TENM3: variants seen among roughly 807,000 people sequenced by gnomAD.
The protein encoded by TENM3 is teneurin transmembrane protein 3.
Under a neutral mutation model 255.1 loss-of-function variants are expected in TENM3, and 63 were observed. The ratio of observed to expected loss-of-function variants is 0.25; its 90% CI spans 0.20 to 0.30. The LOEUF (loss-of-function observed/expected upper bound fraction) is 0.30, where lower values mean the gene tolerates loss of function less well. TENM3 is among the 10% of genes least tolerant of loss of function. The pLI is 1.00. For synonymous variants in TENM3, 1,306 were observed against 1,322.3 expected, an observed-to-expected ratio of 0.99 and a Z score of 0.27; for missense variants, 2,929 against 3,461.1, an observed-to-expected ratio of 0.85 and a Z score of 3.86.
the TENM3 span, among the ~76,000 whole-genome samples, chr4:182,063,885 G>A: frequency 6.6e-6 from 1 of 152,138 alleles, no homozygotes; most frequent in African/African-American, 2.4e-5. Context: ...AGGAATATTA[G>A]TCACAGAAAA....
the TENM3 span, among the ~76,000 whole-genome samples, chr4:181,804,955 G>A: frequency 6.6e-6 from 1 of 152,056 alleles, no homozygotes; most frequent in African/African-American, 2.4e-5. Context: ...CACTCTGCTG[G>A]ATTTTTGTCT....
At chr4:182,621,148 T>C (rs933326993) in intron 4 of TENM3, among the ~76,000 whole-genome samples, 2 of 150,834 alleles carry the variant, frequency 1.3e-5, no homozygotes, top group Non-Finnish European at 3.0e-5. Context: ...ACCACTGCAC[T>C]CCAGCCTGGA....
At chr4:181,508,142 G>T in the TENM3 span, among the ~76,000 whole-genome samples, 1 of 152,124 alleles carries the variant, frequency 6.6e-6, no homozygotes, top group Admixed American at 6.5e-5. Context: ...AGGAAGAGGA[G>T]AGGTAGCTTA....
At chr4:182,370,991 T>C (rs1436696816) in intron 3 of TENM3, among the ~76,000 whole-genome samples, 1 of 152,146 alleles carries the variant, frequency 6.6e-6, no homozygotes, top group Admixed American at 6.5e-5. Flanking sequence ...CCTGCTTTTG[T>C]CCTAAGTTCT....
intron 1 of TENM3, chr4:182,169,366 A>G (rs1362317316): frequency 2.2e-6 from 1 of 460,958 alleles, no homozygotes; most frequent in Non-Finnish European, 4.5e-6. Flanking sequence ...TGGGAGAGAC[A>G]GCAGGATTCT....
chr4:181,837,477 G>A, the TENM3 span, among the ~76,000 whole-genome samples: 2 of 151,422 alleles, frequency 1.3e-5, no homozygotes, highest in East Asian at 1.9e-4. Flanking sequence ...AATTACATTC[G>A]ATTTTCCAAT....
chr4:182,325,378 G>A (rs551110678), intron 2 of TENM3, among the ~76,000 whole-genome samples: 6 of 152,058 alleles, frequency 3.9e-5, no homozygotes, highest in South Asian at 2.1e-4. Context: ...CACCCAAGCC[G>A]GTTTACATCA....
At chr4:181,518,983 G>A in the TENM3 span, among the ~76,000 whole-genome samples, 9 of 152,120 alleles carry the variant, frequency 5.9e-5, no homozygotes, top group African/African-American at 1.7e-4. Context: ...GGTTTAGCAG[G>A]GAGATTAATA....
At chr4:182,207,824 G>A (rs1264962812) in intron 1 of TENM3, among the ~76,000 whole-genome samples, 1 of 152,174 alleles carries the variant, frequency 6.6e-6, no homozygotes, top group Non-Finnish European at 1.5e-5. Context: ...TTCATCTTTT[G>A]TAATGTATTG....
At chr4:182,136,983 C>A in the TENM3 span, among the ~76,000 whole-genome samples, 59 of 152,226 alleles carry the variant, frequency 3.9e-4, no homozygotes, top group Non-Finnish European at 7.4e-4. Flanking sequence ...CATCCCCCCC[C>A]ACCCAATACA....
rs1750220037 is a variant in TENM3, at chr4:182,621,704, A to AT, written c.750-6947_750-6946insT. 7.9e-3 allele frequency among the ~76,000 whole-genome samples: 5 copies of AT among 632 alleles called. 1 individual carries two copies. Among genetic ancestry groups the AT allele is most frequent in the African/African-American group, 8.7e-3 (5 of 572 alleles). 0.4% of individuals were successfully genotyped at this position (632 alleles called of 152,430 possible). On this transcript the variant is annotated intron_variant, in intron 4 of 27. Transcript: ENST00000511685. ...AAATATATAATATATATTATATATA[A>AT]AATATATAATATATATTATATATAA...
intron 1 of TENM3, among the ~76,000 whole-genome samples, chr4:182,176,977 GTGT>G (rs1416775268): frequency 6.6e-6 from 1 of 151,868 alleles, no homozygotes; most frequent in Non-Finnish European, 1.5e-5. Flanking sequence ...TACCCAGTCA[GTGT>G]ACTGTTTTAT....
chr4:182,651,332 T>C (rs1373673674), intron 5 of TENM3, among the ~76,000 whole-genome samples: 1 of 152,088 alleles, frequency 6.6e-6, no homozygotes, highest in Non-Finnish European at 1.5e-5. Flanking sequence ...CATGAAGTTA[T>C]ACCTTTTTAC....
intron 3 of TENM3, among the ~76,000 whole-genome samples, chr4:182,430,224 A>G (rs962069913): frequency 1.3e-5 from 2 of 151,492 alleles, no homozygotes; most frequent in Non-Finnish European, 2.9e-5. Context: ...GGCAAGGTAT[A>G]TTTGAGGAGC....
At chr4:182,063,475 C>G in the TENM3 span, among the ~76,000 whole-genome samples, 6 of 152,154 alleles carry the variant, frequency 3.9e-5, no homozygotes, top group Non-Finnish European at 8.8e-5. Flanking sequence ...GCACTTTAGT[C>G]GCATGTCAAA....
At chr4:182,664,687 G>C (rs1290980887) in intron 6 of TENM3, among the ~76,000 whole-genome samples, 1 of 152,154 alleles carries the variant, frequency 6.6e-6, no homozygotes, top group Admixed American at 6.5e-5. Context: ...CGATTCCAGT[G>C]AGCACATGAA....
the TENM3 span, among the ~76,000 whole-genome samples, chr4:181,703,054 CA>C: frequency 6.6e-6 from 1 of 152,156 alleles, no homozygotes; most frequent in Non-Finnish European, 1.5e-5. Context: ...AGAGGAAGTA[CA>C]GGGGCAGAGG....
chr4:182,117,366 T>C, the TENM3 span, among the ~76,000 whole-genome samples: 48,085 of 152,116 alleles, frequency 0.32, 8,813 homozygotes, highest in Non-Finnish European at 0.42. Context: ...TTGTATCTAA[T>C]AAGTCATTGC....
chr4:182,455,104 C>G (rs1773762166), intron 3 of TENM3, among the ~76,000 whole-genome samples: 1 of 152,142 alleles, frequency 6.6e-6, no homozygotes, highest in Non-Finnish European at 1.5e-5. Flanking sequence ...AATTATGTAA[C>G]ACTAAAATCT....
Sources: gnomAD v4.1 joint callset for allele counts (sites outside exome capture counted in the v4.1 genomes callset) on GRCh38, gnomAD v4.1.1 for gene constraint, MANE v1.5 for transcripts, NCBI Gene and HGNC (gene_info 2026-07-23, HGNC 2026-07-21) for gene names.